PAPPA: variants seen among roughly 807,000 people sequenced by gnomAD.
PAPPA encodes the protein pappalysin-1.
PAPPA carries 60 observed loss-of-function variants against 164.0 expected under a neutral mutation model. The observed-to-expected ratio is 0.37, with a 90% CI of 0.30 to 0.45. The LOEUF (loss-of-function observed/expected upper bound fraction) is 0.45, where lower values mean the gene tolerates loss of function less well. PAPPA is among the 20% of genes least tolerant of loss of function. PAPPA has a pLI of 1.00. For synonymous variants in PAPPA, 875 were observed against 814.1 expected (o/e 1.07, Z -1.27); for missense variants, 1,782 against 2,087.3 (o/e 0.85, Z 2.85).
rs563115796 is a variant in PAPPA at position 116,350,678 on chromosome 9, T to C, written c.3965-2028T>C. 2.2e-4 allele frequency among the ~76,000 whole-genome samples: 34 copies of C among 152,314 alleles called. No homozygotes were observed. The East Asian group carries it at 5.8e-3, about 26-fold the overall frequency. ...CTTAGGCAATTTGGAGAGGGTGTGC[T>C]TCCTGTACTTTATATACAGCTCCCC... On this transcript the variant is annotated intron_variant, in intron 15 of 21. Transcript: ENST00000328252.
intron 9 of PAPPA, among the ~76,000 whole-genome samples, chr9:116,285,023 A>T (rs1049068305): frequency 3.3e-5 from 5 of 152,086 alleles, no homozygotes; most frequent in African/African-American, 1.2e-4. Context: ...TTGCTCTCCA[A>T]TTGAGAGTGT....
chr9:116,340,773 A>G (rs779780245), intron 13 of PAPPA, among the ~76,000 whole-genome samples: 2 of 152,202 alleles, frequency 1.3e-5, no homozygotes, highest in African/African-American at 2.4e-5. Context: ...GAAATTTTCA[A>G]TGGGTTATCC....
At chr9:116,198,619 C>T (rs562477504) in intron 2 of PAPPA, among the ~76,000 whole-genome samples, 1 of 152,316 alleles carries the variant, frequency 6.6e-6, no homozygotes, top group South Asian at 2.1e-4. Flanking sequence ...GGCTACCTGA[C>T]TCAGACATCG....
At chr9:116,389,813 T>G (rs1010942617) in intron 21 of PAPPA, among the ~76,000 whole-genome samples, 26 of 151,748 alleles carry the variant, frequency 1.7e-4, no homozygotes, top group African/African-American at 5.3e-4. Context: ...GCCTTCTGTT[T>G]TTTTTTTTCT....
chr9:116,237,196 A>G (rs1275462882), intron 7 of PAPPA, among the ~76,000 whole-genome samples: 1 of 152,206 alleles, frequency 6.6e-6, no homozygotes, highest in Non-Finnish European at 1.5e-5. Context: ...CTAGCAATTA[A>G]TGTGCACATC....
chr9:116,266,018 G>GCC, intron 8 of PAPPA, 33 bp downstream of exon 8: 2 of 1,550,200 alleles, frequency 1.3e-6, no homozygotes, highest in South Asian at 1.2e-5. Flanking sequence ...AGAAGAGGAG[G>GCC]GATGCTGGTT....
At chr9:116,179,078 A>G (rs1317537580) in intron 1 of PAPPA, among the ~76,000 whole-genome samples, 2 of 152,232 alleles carry the variant, frequency 1.3e-5, no homozygotes, top group Non-Finnish European at 2.9e-5. Context: ...ACAAGGAAAT[A>G]TGCATACATT....
chr9:116,333,036 A>T (rs968418471), intron 12 of PAPPA, among the ~76,000 whole-genome samples: 1 of 152,148 alleles, frequency 6.6e-6, no homozygotes, highest in Non-Finnish European at 1.5e-5. Flanking sequence ...AGGTTCTACC[A>T]TGGGAGGACC....
chr9:116,375,004 A>G lies in PAPPA; in HGVS notation c.4606-2572A>G, dbSNP rs919862554. 2.0e-5 allele frequency among the ~76,000 whole-genome samples: 3 copies of G among 152,236 alleles called. No homozygotes were observed. The East Asian group carries it at 5.8e-4, about 29-fold the overall frequency. On this transcript the variant is annotated intron_variant, in intron 19 of 21. Transcript: ENST00000328252. ...GTGCTCCACGCTTCACCCTGGAAGG[A>G]TACAGAAGTGTCTATAACTCAGGAT...
chr9:116,219,957 T>G lies in PAPPA; in HGVS notation c.1939T>G (p.Phe647Val). The change falls in exon 5 of 22, where the codon TTC (phenylalanine) becomes GTC (valine). Residue 647 changes from phenylalanine (F) to valine (V), a missense_variant. Coordinates refer to ENST00000328252, the MANE Select transcript of PAPPA (RefSeq NM_002581.5). ...TGCAGATGACGACTGTACGGACTCC[T>G]TCACGCCCAATCAAGTCGCCAGAAT... ...SYADDDCTDS[F>V]TPNQVARMHC... 1 of 1,613,704 alleles carries G rather than the reference T, an allele frequency of 6.2e-7. No individual in the cohort carries two copies. The highest frequency in any genetic ancestry group is 8.5e-7 in the Non-Finnish European group (1 of 1,179,824).
chr9:116,154,552 C>CG lies in PAPPA; in HGVS notation c.382dup (p.Glu128GlyfsTer15). 1 of 1,404,512 alleles carries CG rather than the reference C, an allele frequency of 7.1e-7. No individual in the cohort carries two copies. Among genetic ancestry groups the CG allele is most frequent in the South Asian group, 1.5e-5 (1 of 66,568 alleles). 87.0% of individuals were successfully genotyped at this position (1,404,512 alleles called of 1,614,324 possible). A position where few individuals can be genotyped will look rare whatever the true frequency, so the allele number is the denominator to read the frequency against. Reference sequence around the variant, plus strand: ...TTCACGCTGCAAGTGTGGCTGCGAGCGGAGGGGGGCCAGAGGTCTCCGGCA... The same window carrying CG: ...TTCACGCTGCAAGTGTGGCTGCGAGCGGGAGGGGGGCCAGAGGTCTCCGGCA... On this transcript the variant is annotated frameshift_variant, in exon 1 of 22. Transcript: ENST00000328252. LOFTEE classifies it high-confidence loss of function. This position sits in a 1 kb window ranked among gnomAD's most constrained non-coding sequence, Gnocchi z 5.2.
At chr9:116,371,893 T>C (rs896186829) in intron 19 of PAPPA, among the ~76,000 whole-genome samples, 1 of 152,182 alleles carries the variant, frequency 6.6e-6, no homozygotes, top group Non-Finnish European at 1.5e-5. Flanking sequence ...TGCTATGGAT[T>C]GGTTTTGCTT....
intron 7 of PAPPA, among the ~76,000 whole-genome samples, chr9:116,243,515 C>T (rs573818522): frequency 6.6e-6 from 1 of 152,124 alleles, no homozygotes; most frequent in East Asian, 1.9e-4. Flanking sequence ...TAAGGTCCCC[C>T]AGTTAATAGA....
rs1240088735 is a variant in PAPPA, at chr9:116,401,281, C to T, written c.*4665C>T. On this transcript the variant is annotated 3_prime_UTR_variant, in exon 22 of 22. Transcript: ENST00000328252. Reference sequence around the variant, plus strand: ...CTGTCGTCTACTTAAGACTTCTGGTCATTTCCAACTTATAGAGGAAGGGAG... The same window carrying T: ...CTGTCGTCTACTTAAGACTTCTGGTTATTTCCAACTTATAGAGGAAGGGAG... The T allele has an allele frequency of 6.6e-6, 1 of 152,532 alleles. No homozygotes were observed. 9.4% of individuals were successfully genotyped at this position (152,532 alleles called of 1,614,324 possible).
At chr9:116,235,944 G>A (rs577873484) in intron 7 of PAPPA, among the ~76,000 whole-genome samples, 15 of 152,332 alleles carry the variant, frequency 9.8e-5, no homozygotes, top group African/African-American at 3.6e-4. Context: ...GAGAGTAGCA[G>A]TGAGAAAATC....
intron 1 of PAPPA, among the ~76,000 whole-genome samples, chr9:116,161,400 TC>T (rs1001319559): frequency 6.6e-6 from 1 of 152,194 alleles, no homozygotes; most frequent in African/African-American, 2.4e-5. Context: ...ATAGCGACTT[TC>T]AAACTTTTCA....
chr9:116,227,521 A>T lies in PAPPA; in HGVS notation c.2202A>T (p.Pro734=), dbSNP rs201048599. 6 of 1,613,956 alleles carry T rather than the reference A, an allele frequency of 3.7e-6. No homozygotes were observed. In the East Asian group the frequency reaches 6.7e-5, roughly 18 times the overall value. Residue 734 remains proline, a synonymous_variant, in exon 6 of 22, where the codon CCA becomes CCT. Transcript: ENST00000328252. The part of the protein sequence containing the change: ...SNASSPMPCS[P]SGHWSPREAE... ...CTTCCTCCCCAATGCCCTGCAGCCC[A>T]TCAGGACACTGGAGCCCTCGTGAAG...
chr9:116,358,001 C>T (rs979146649), intron 17 of PAPPA, among the ~76,000 whole-genome samples: 2 of 150,610 alleles, frequency 1.3e-5, no homozygotes, highest in African/African-American at 4.9e-5. Context: ...ATTTGTGAGC[C>T]CTGCCATGGA....
intron 7 of PAPPA, among the ~76,000 whole-genome samples, chr9:116,241,654 T>C (rs11794209): frequency 0.091 from 13,918 of 152,244 alleles, 1,054 homozygotes; most frequent in Non-Finnish European, 0.13. Flanking sequence ...TGGATACTTG[T>C]TGATCATGTG....
Sources: allele counts gnomAD v4.1 joint callset (sites outside exome capture counted in the v4.1 genomes callset), GRCh38; gene constraint gnomAD v4.1.1; non-coding constraint Gnocchi (gnomAD v3.1); transcripts MANE v1.5; gene names NCBI Gene and HGNC (gene_info 2026-07-23, HGNC 2026-07-21).